Variants in PRDM2 observed in about 807,000 individuals in gnomAD.
PRDM2 encodes PR/SET domain 2.
A neutral mutation model predicts 130.0 loss-of-function variants in PRDM2; 30 were observed. The observed-to-expected ratio is 0.23, with a 90% CI of 0.17 to 0.31. PRDM2 has a LOEUF of 0.31. PRDM2 is among the 10% of genes least tolerant of loss of function. PRDM2 has a pLI of 1.00. For synonymous variants in PRDM2, 871 were observed against 782.4 expected, an observed-to-expected ratio of 1.11 and a Z score of -1.89; for missense variants, 2,011 against 2,108.4, an observed-to-expected ratio of 0.95 and a Z score of 0.90.
intron 6 of PRDM2, among the ~76,000 whole-genome samples, chr1:13,754,986 C>G: frequency 6.6e-6 from 1 of 151,880 alleles, no homozygotes; most frequent in Non-Finnish European, 1.5e-5. Context: ...CTGAGGGTGC[C>G]TTTGCTGAGC....
At chr1:13,768,135 T>A (rs1472782988) in intron 6 of PRDM2, among the ~76,000 whole-genome samples, 5 of 144,156 alleles carry the variant, frequency 3.5e-5, no homozygotes, top group Non-Finnish European at 7.5e-5. Flanking sequence ...TGGAGTCCGG[T>A]GGCGTGATCT....
chr1:13,804,495 C>T (rs180760987), intron 8 of PRDM2, among the ~76,000 whole-genome samples: 69 of 152,274 alleles, frequency 4.5e-4, no homozygotes, highest in African/African-American at 1.4e-3. Flanking sequence ...GCTCTTGCGG[C>T]GTCTGCATGC....
intron 1 of PRDM2, among the ~76,000 whole-genome samples, chr1:13,711,638 G>T (rs1642374706): frequency 6.6e-6 from 1 of 152,130 alleles, no homozygotes; most frequent in African/African-American, 2.4e-5. Flanking sequence ...TACACCCCTT[G>T]TTTTTGATAT....
chr1:13,704,548 T>G (rs3806425), intron 1 of PRDM2, among the ~76,000 whole-genome samples: 14,964 of 152,274 alleles, frequency 0.098, 941 homozygotes, highest in Admixed American at 0.22. Flanking sequence ...GGTTTTGCTT[T>G]GAAAGAGCTG....
intron 7 of PRDM2, among the ~76,000 whole-genome samples, chr1:13,777,827 T>G (rs1644511857): frequency 6.6e-6 from 1 of 151,646 alleles, no homozygotes; most frequent in Non-Finnish European, 1.5e-5. Flanking sequence ...TTGGCTAGGC[T>G]TAGAAGAGAT....
In PRDM2 at chr1:13,803,471, C is replaced by T. The variant is rs1386100829; in HGVS notation, c.5037-12956C>T. Reference sequence around the variant, plus strand: ...GATCTGAGTGCCCTCAGCGAGTCCTCGGGGGCTTCAACTACCCTTCTTCCC... The same window carrying T: ...GATCTGAGTGCCCTCAGCGAGTCCTTGGGGGCTTCAACTACCCTTCTTCCC... On this transcript the variant is annotated intron_variant, in intron 8 of 9. Coordinates refer to ENST00000311066, the MANE Select transcript of PRDM2 (RefSeq NM_001393986.1). The surrounding 1 kb of genome is among the most constrained non-coding windows in gnomAD (Gnocchi z 6.2). Among the ~76,000 whole-genome samples the T allele has an allele frequency of 1.3e-5, 2 of 152,142 alleles. No homozygotes were observed. The highest frequency in any genetic ancestry group is 2.9e-5 in the Non-Finnish European group (2 of 68,034).
Position 13,782,683 on chromosome 1 carries a change from A to C in PRDM2, c.4888A>C (p.Ser1630Arg). The change falls in exon 8 of 10, where the codon AGT becomes CGT. Residue 1630 changes from serine (S) to arginine (R), a missense_variant. Physicochemically the swap from Ser to Arg is moderately radical, Grantham distance 110. Transcript: ENST00000311066. ...AVLQSKSTLA[S>R]KKRTDRFNIK... is the part of the protein sequence containing the mutation. Reference sequence around the variant, plus strand: ...TTTACAAAGCAAATCCACCTTGGCGAGTAAGAAAAGAACAGACCGGTTCAA... The same window carrying C: ...TTTACAAAGCAAATCCACCTTGGCGCGTAAGAAAAGAACAGACCGGTTCAA... 1.2e-6 allele frequency: 2 copies of C among 1,614,152 alleles called. No homozygotes were observed. Among genetic ancestry groups the C allele is most frequent in the Non-Finnish European group, 1.7e-6 (2 of 1,180,036 alleles).
intron 8 of PRDM2, chr1:13,787,533 G>C: frequency 1.0e-6 from 1 of 982,740 alleles, no homozygotes; most frequent in Non-Finnish European, 1.2e-6. Context: ...TTTGTTTGGT[G>C]AATTTGTGCC....
At chr1:13,715,769 AT>A (rs1433558851) in intron 2 of PRDM2, among the ~76,000 whole-genome samples, 155 bp downstream of exon 2, 1 of 152,116 alleles carries the variant, frequency 6.6e-6, no homozygotes, top group African/African-American at 2.4e-5. Context: ...CATACCGTGC[AT>A]TTGTTCGTGC....
Position 13,749,346 on chromosome 1 carries a change from C to T in PRDM2, c.385-15C>T, listed in dbSNP as rs373014373. On this transcript the variant is annotated splice_polypyrimidine_tract_variant and intron_variant, in intron 5 of 9. Coordinates refer to ENST00000311066, the MANE Select transcript of PRDM2 (RefSeq NM_001393986.1). ...GCTCTGATTGGCCCGGCGCTTGTCT[C>T]TTCTCTCCCCGCAGCCAATCGCGCC... The T allele has an allele frequency of 1.4e-6, 2 of 1,477,444 alleles. No individual in the cohort carries two copies. The highest frequency in any genetic ancestry group is 9.1e-7 in the Non-Finnish European group (1 of 1,099,120). 91.5% of individuals were successfully genotyped at this position (1,477,444 alleles called of 1,614,324 possible).
In PRDM2 at chr1:13,720,849, G is replaced by A. The variant is rs752288827; in HGVS notation, c.9+5235G>A. On this transcript the variant is annotated intron_variant, in intron 2 of 9. Coordinates refer to ENST00000311066, the MANE Select transcript of PRDM2 (RefSeq NM_001393986.1). ...ATGAGAATTTAGGATTTATTGACCT[G>A]TTTAGTTATTTGACTTTAAAAATCA... Among the ~76,000 whole-genome samples, 15 of 152,176 alleles carry A rather than the reference G, an allele frequency of 9.9e-5. 1 individual carries two copies. The highest frequency in any genetic ancestry group is 2.2e-4 in the Non-Finnish European group (15 of 68,032).
At chr1:13,822,497 G>A (rs911493261) in intron 9 of PRDM2, among the ~76,000 whole-genome samples, 2 of 150,990 alleles carry the variant, frequency 1.3e-5, no homozygotes, top group Admixed American at 1.3e-4. Context: ...CCAGGTTCAC[G>A]CCATTCTCCT....
intron 1 of PRDM2, among the ~76,000 whole-genome samples, chr1:13,703,953 A>G (rs939824893): frequency 6.6e-6 from 1 of 152,216 alleles, no homozygotes; most frequent in African/African-American, 2.4e-5. Flanking sequence ...AACTTAATAC[A>G]TTATAATTTA....
intron 2 of PRDM2, among the ~76,000 whole-genome samples, chr1:13,719,051 G>T (rs1405562603): frequency 6.6e-6 from 1 of 152,178 alleles, no homozygotes; most frequent in East Asian, 1.9e-4. Flanking sequence ...GAGGGAGACA[G>T]TTAAAAAGCA....
chr1:13,809,579 T>C (rs1158825404), intron 8 of PRDM2, among the ~76,000 whole-genome samples: 2 of 151,922 alleles, frequency 1.3e-5, no homozygotes, highest in Non-Finnish European at 2.9e-5. Context: ...CTTCTAGATG[T>C]CCAAGAGATG....
chr1:13,782,906 C>T (rs768034789), intron 8 of PRDM2, 75 bp downstream of exon 8: 3 of 1,517,106 alleles, frequency 2.0e-6, no homozygotes, highest in Non-Finnish European at 2.6e-6. Flanking sequence ...TTTTTGGTTT[C>T]TTGTTGCTTT....
At chr1:13,728,054 T>C (rs183412405) in intron 2 of PRDM2, among the ~76,000 whole-genome samples, 3 of 152,352 alleles carry the variant, frequency 2.0e-5, no homozygotes, top group Admixed American at 2.0e-4. Context: ...GAAGAATACC[T>C]ACCTCAATTT....
chr1:13,811,578 C>G (rs1287745831), intron 8 of PRDM2, among the ~76,000 whole-genome samples: 1 of 152,184 alleles, frequency 6.6e-6, no homozygotes, highest in African/African-American at 2.4e-5. Context: ...CTCCACCCAC[C>G]CACCCAATAT....
rs755673583 is a variant in PRDM2 at position 13,778,737 on chromosome 1, G to A, written c.942G>A (p.Glu314=). 2.5e-6 allele frequency: 4 copies of A among 1,614,076 alleles called. No homozygotes were observed. Among genetic ancestry groups the A allele is most frequent in the East Asian group, 2.2e-5 (1 of 44,898 alleles). ...AAGAGCCAGAAATACGGTGTGATGAGAAGCCAGAAGATTTATTAGAGGAAC... is the reference window on the plus strand; with the variant it reads ...AAGAGCCAGAAATACGGTGTGATGAAAAGCCAGAAGATTTATTAGAGGAAC... The part of the protein sequence containing the change: ...SVKEPEIRCD[E]KPEDLLEEPK... Residue 314 remains glutamate (E), a synonymous_variant, in exon 8 of 10, where the codon GAG becomes GAA. Transcript: ENST00000311066.
Sources: gnomAD v4.1 joint callset for allele counts (sites outside exome capture counted in the v4.1 genomes callset) on GRCh38, gnomAD v4.1.1 for gene constraint, Gnocchi (gnomAD v3.1) non-coding constraint, MANE v1.5 for transcripts, NCBI Gene and HGNC (gene_info 2026-07-23, HGNC 2026-07-21) for gene names.